Variants in MIA2 observed in about 807,000 individuals in gnomAD.
MIA2 encodes the protein MIA SH3 domain ER export factor 2.
MIA2 carries 127 observed loss-of-function variants against 167.8 expected under a neutral mutation model. That is an observed-to-expected ratio of 0.76 (90% CI 0.66 to 0.88). MIA2 has a LOEUF of 0.88. Among genes scored for constraint, MIA2 ranks in the 40% least tolerant of loss-of-function variants. The pLI is 0.00. For synonymous variants in MIA2, 552 were observed against 541.9 expected, an observed-to-expected ratio of 1.02 and a Z score of -0.26; for missense variants, 1,690 against 1,624.7, an observed-to-expected ratio of 1.04 and a Z score of -0.69.
At chr14:39,368,799 T>C (rs935094563) in intron 23 of MIA2, among the ~76,000 whole-genome samples, 3 of 151,934 alleles carry the variant, frequency 2.0e-5, no homozygotes, top group Non-Finnish European at 1.5e-5. Context: ...TTTTTTTCAG[T>C]AAACGTACGT....
At chr14:39,290,003 C>T (rs559291128) in intron 9 of MIA2, among the ~76,000 whole-genome samples, 3 of 152,220 alleles carry the variant, frequency 2.0e-5, no homozygotes, top group Admixed American at 1.3e-4. Flanking sequence ...TATATTGGGC[C>T]CACCAAAATA....
At chr14:39,253,206 T>TGCA in intron 6 of MIA2, 35 bp downstream of exon 6, 2 of 1,604,248 alleles carry the variant, frequency 1.2e-6, no homozygotes, top group Admixed American at 1.7e-5. Flanking sequence ...GCAATAATTT[T>TGCA]ACCTATTTTG....
chr14:39,278,462 G>A (rs1157552007), intron 7 of MIA2, among the ~76,000 whole-genome samples: 1 of 152,084 alleles, frequency 6.6e-6, no homozygotes, highest in Non-Finnish European at 1.5e-5. Context: ...GTCTTTTAAA[G>A]GTTTTCCCTT....
At chr14:39,277,688 GTGTGTATATATATATATATATATATA>G (rs1336208228) in intron 7 of MIA2, among the ~76,000 whole-genome samples, 4 of 8,092 alleles carry the variant, frequency 4.9e-4, no homozygotes, top group Non-Finnish European at 8.6e-4. Context: ...ATATATATAT[GTGTGTATATATATATATATATATATA>G]TGTGTGTATA....
Position 39,240,576 on chromosome 14 carries a change from G to T in MIA2, c.265G>T (p.Gly89Ter). The change falls in exon 3 of 29, where the codon GGA (glycine) becomes TGA (stop). Residue 89 changes from glycine (G) to a stop codon, truncating the protein, a stop_gained. Coordinates refer to ENST00000640607, the MANE Select transcript of MIA2 (RefSeq NM_001329214.4). LOFTEE classifies it high-confidence loss of function. ...LWAGSKGKEF[G>*]YFPRDAVQIE... is the part of the protein sequence containing the mutation. ...ATTTTGACAGAAAGGAAAGGAGTTT[G>T]GATATTTTCCCAGAGATGCAGTCCA... The T allele has an allele frequency of 6.2e-7, 1 of 1,611,696 alleles. No individual in the cohort carries two copies. The highest frequency in any genetic ancestry group is 1.1e-5 in the South Asian group (1 of 90,904).
In MIA2 at chr14:39,348,956, C is replaced by G; in HGVS notation, c.4051C>G (p.Pro1351Ala). Residue 1351 changes from proline (P) to alanine (A), a missense_variant, in exon 28 of 29, where the codon CCA (proline) becomes GCA (alanine). Pro to Ala is a conservative substitution (Grantham distance 27, BLOSUM62 -1). Transcript: ENST00000640607. ...TTTTCCACCAGGGGATTTCCCAGGT[C>G]CACCACCTGCTCCATTTGCAAGTAT... Reference protein sequence around the residue: ...DYFPPGDFPGPPPAPFAMRNV... With the variant: ...DYFPPGDFPGAPPAPFAMRNV... 6.2e-7 allele frequency: 1 copy of G among 1,613,554 alleles called. No homozygotes were observed. Among genetic ancestry groups the G allele is most frequent in the Non-Finnish European group, 8.5e-7 (1 of 1,179,476 alleles).
In MIA2 at chr14:39,294,018, A is replaced by G; in HGVS notation, c.2338A>G (p.Arg780Gly). The G allele has an allele frequency of 6.2e-7, 1 of 1,610,614 alleles. No individual in the cohort carries two copies. The highest frequency in any genetic ancestry group is 8.5e-7 in the Non-Finnish European group (1 of 1,178,608). Residue 780 changes from arginine (R) to glycine (G), a missense_variant, in exon 12 of 29, where the codon AGG becomes GGG. Physicochemically the swap from Arg to Gly is moderately radical, Grantham distance 125. Transcript: ENST00000640607. ...TTTCTAGATGGCGGATATTTCAAAAAGGATACAGTCTCTAGAAGATGAGTC... is the reference window on the plus strand; with the variant it reads ...TTTCTAGATGGCGGATATTTCAAAAGGGATACAGTCTCTAGAAGATGAGTC... Reference protein sequence around the residue: ...QDELMADISKRIQSLEDESKS... With the variant: ...QDELMADISKGIQSLEDESKS...
At chr14:39,341,562 T>C (rs1202140193) in intron 25 of MIA2, among the ~76,000 whole-genome samples, 2 of 152,054 alleles carry the variant, frequency 1.3e-5, no homozygotes, top group African/African-American at 2.4e-5. Context: ...GATGTAGCTG[T>C]TGGGTGGAGG....
chr14:39,341,072 C>T (rs982061994), intron 25 of MIA2, among the ~76,000 whole-genome samples: 2 of 151,996 alleles, frequency 1.3e-5, no homozygotes, highest in African/African-American at 2.4e-5. Flanking sequence ...GAAGCTGAGG[C>T]GGGCAGATCA....
intron 6 of MIA2, among the ~76,000 whole-genome samples, chr14:39,255,344 C>G (rs1345589701): frequency 6.6e-5 from 10 of 152,000 alleles, no homozygotes; most frequent in African/African-American, 2.2e-4. Context: ...CTCGTCTCTA[C>G]AAAAAATACA....
intron 18 of MIA2, 48 bp downstream of exon 18, chr14:39,308,635 T>C: frequency 7.2e-7 from 1 of 1,381,132 alleles, no homozygotes. Flanking sequence ...AAAATAGCTT[T>C]AGAGATATAT....
At chr14:39,237,107 A>G (rs2053780825) in intron 2 of MIA2, 52 bp downstream of exon 2, 1 of 1,590,400 alleles carries the variant, frequency 6.3e-7, no homozygotes, top group Admixed American at 1.7e-5. Context: ...CAACTTGCAC[A>G]AAGATTCCTT....
chr14:39,380,420 T>C (rs1472510526), intron 23 of MIA2, among the ~76,000 whole-genome samples: 2 of 151,682 alleles, frequency 1.3e-5, no homozygotes, highest in South Asian at 2.1e-4. Flanking sequence ...GATGCTGGAG[T>C]GCTGTGGCTC....
chr14:39,304,712 G>A (rs546349391), intron 17 of MIA2, among the ~76,000 whole-genome samples: 2 of 152,246 alleles, frequency 1.3e-5, no homozygotes, highest in African/African-American at 4.8e-5. Flanking sequence ...AATGTTTAAA[G>A]TCTTTGTTAA....
At chr14:39,294,649 T>G (rs1302233925) in intron 12 of MIA2, among the ~76,000 whole-genome samples, 1 of 152,042 alleles carries the variant, frequency 6.6e-6, no homozygotes, top group African/African-American at 2.4e-5. Flanking sequence ...TAAATTTTAG[T>G]AGGGGAGGCA....
Position 39,294,980 on chromosome 14 carries a change from T to G in MIA2, c.2447T>G (p.Ile816Arg). The G allele has an allele frequency of 6.2e-7, 1 of 1,613,988 alleles. No homozygotes were observed. The highest frequency in any genetic ancestry group is 8.5e-7 in the Non-Finnish European group (1 of 1,179,904). The change falls in exon 13 of 29, where the codon ATA becomes AGA. Residue 816 changes from isoleucine to arginine, a missense_variant. By Grantham distance (97) the Ile-to-Arg change is moderately conservative (BLOSUM62 -3). Transcript: ENST00000640607. The part of the protein sequence containing the change: ...QMNEERLKIA[I>R]KDALNENSQL... ...AATGAAGAACGACTGAAGATAGCAA[T>G]AAAAGATGCTTTGAATGAAAATTCT...
chr14:39,240,674 A>G (rs1415702509), intron 3 of MIA2, 27 bp downstream of exon 3: 2 of 1,540,032 alleles, frequency 1.3e-6, no homozygotes, highest in Admixed American at 3.4e-5. Flanking sequence ...TCAGTTGTTA[A>G]TTGAATTTAA....
intron 23 of MIA2, among the ~76,000 whole-genome samples, chr14:39,364,231 G>A (rs1280328290): frequency 2.0e-5 from 3 of 152,022 alleles, no homozygotes; most frequent in Non-Finnish European, 2.9e-5. Context: ...GGTGGCGCGC[G>A]CCTGTAGTCC....
At position 39,265,337 on chromosome 14, in the gene MIA2, G is replaced by A. The variant is rs1007373486; in HGVS notation, c.1888-11597G>A. On this transcript the variant is annotated intron_variant, in intron 6 of 28. Transcript: ENST00000640607. ...TCTGAAATCTTTCTCAAGGATATGA[G>A]GTGCCTGGTAGAACTTTATTTACAT... 8.5e-6 allele frequency: 11 copies of A among 1,290,996 alleles called. No homozygotes were observed. The African/African-American group carries it at 1.6e-4, about 19-fold the overall frequency. 80.0% of individuals were successfully genotyped at this position (1,290,996 alleles called of 1,614,324 possible).
Sources: allele counts gnomAD v4.1 joint callset (sites outside exome capture counted in the v4.1 genomes callset), GRCh38; gene constraint gnomAD v4.1.1; transcripts MANE v1.5; gene names NCBI Gene and HGNC (gene_info 2026-07-23, HGNC 2026-07-21).